The following ABTB3 variants were observed in gnomAD, a reference collection of about 807,000 sequenced individuals.
ABTB3 encodes the protein ankyrin repeat and BTB domain containing 3, also known as ankyrin repeat- and BTB/POZ domain-containing protein 3.
chr12:107,536,927 C>T, the ABTB3 span, among the ~76,000 whole-genome samples: 3 of 152,164 alleles, frequency 2.0e-5, no homozygotes, highest in South Asian at 6.2e-4. Flanking sequence ...TGTCTGCACC[C>T]TCATGTTTAT....
chr12:107,621,562 G>A, the ABTB3 span, among the ~76,000 whole-genome samples: 4 of 152,266 alleles, frequency 2.6e-5, no homozygotes, highest in South Asian at 2.1e-4. Context: ...TAACCTGTGC[G>A]TTCTTAAAGT....
At chr12:107,496,018 A>G in the ABTB3 span, among the ~76,000 whole-genome samples, 1 of 152,272 alleles carries the variant, frequency 6.6e-6, no homozygotes, top group East Asian at 1.9e-4. Context: ...TGTTACTACT[A>G]TTATTGCCCC....
chr12:107,581,130 C>A, the ABTB3 span: 1 of 1,515,116 alleles, frequency 6.6e-7, no homozygotes, highest in Non-Finnish European at 8.9e-7. Flanking sequence ...CGCGCGTCTC[C>A]GGGTCCCTCC....
the ABTB3 span, among the ~76,000 whole-genome samples, chr12:107,391,466 T>C: frequency 1.3e-5 from 2 of 152,136 alleles, no homozygotes; most frequent in Non-Finnish European, 2.9e-5. Flanking sequence ...GTAGAGGGAA[T>C]GAGCATAACA....
chr12:107,475,320 AC>A, the ABTB3 span, among the ~76,000 whole-genome samples: 1 of 152,048 alleles, frequency 6.6e-6, no homozygotes. Context: ...GAATAATGAC[AC>A]CTAGGTCATC....
At chr12:107,485,304 T>C in the ABTB3 span, among the ~76,000 whole-genome samples, 1 of 152,176 alleles carries the variant, frequency 6.6e-6, no homozygotes, top group African/African-American at 2.4e-5. Flanking sequence ...AAAGTTGTCA[T>C]TGTCCTCCTG....
the ABTB3 span, among the ~76,000 whole-genome samples, chr12:107,472,110 T>C: frequency 6.6e-6 from 1 of 152,164 alleles, no homozygotes; most frequent in Non-Finnish European, 1.5e-5. Context: ...CTCTTGTACA[T>C]GTCTGGGGTG....
the ABTB3 span, among the ~76,000 whole-genome samples, chr12:107,381,004 G>T: frequency 6.6e-6 from 1 of 152,076 alleles, no homozygotes; most frequent in Non-Finnish European, 1.5e-5. Context: ...ATATAAGAAT[G>T]GTAGGGATGT....
the ABTB3 span, among the ~76,000 whole-genome samples, chr12:107,637,925 G>C: frequency 6.6e-6 from 1 of 151,798 alleles, no homozygotes; most frequent in Non-Finnish European, 1.5e-5. Flanking sequence ...AGCAGGAATG[G>C]GGGACTAGCT....
chr12:107,469,910 CTT>C, the ABTB3 span, among the ~76,000 whole-genome samples: 10 of 106,204 alleles, frequency 9.4e-5, no homozygotes, highest in African/African-American at 3.0e-4. Context: ...TTCTTTCTTT[CTT>C]TCTTTCTTTC....
At chr12:107,590,194 G>A in the ABTB3 span, among the ~76,000 whole-genome samples, 119 of 152,330 alleles carry the variant, frequency 7.8e-4, no homozygotes, top group African/African-American at 2.5e-3. Flanking sequence ...GATTACAGGC[G>A]TGAGCCACTG....
chr12:107,491,088 T>C, the ABTB3 span, among the ~76,000 whole-genome samples: 1 of 152,204 alleles, frequency 6.6e-6, no homozygotes, highest in African/African-American at 2.4e-5. Context: ...TCTGAGTAGG[T>C]GGGCCTCTGT....
chr12:107,581,468 AAGC>A, the ABTB3 span, among the ~76,000 whole-genome samples: 1 of 152,154 alleles, frequency 6.6e-6, no homozygotes, highest in Non-Finnish European at 1.5e-5. Flanking sequence ...GCTGAACAAT[AAGC>A]AGGTCCCTGG....
chr12:107,620,647 A>G, the ABTB3 span, among the ~76,000 whole-genome samples: 2 of 152,108 alleles, frequency 1.3e-5, no homozygotes, highest in African/African-American at 4.8e-5. Flanking sequence ...TAAACAGAAC[A>G]CAGACCCTGC....
the ABTB3 span, among the ~76,000 whole-genome samples, chr12:107,647,138 T>C: frequency 6.6e-6 from 1 of 152,126 alleles, no homozygotes; most frequent in Admixed American, 6.5e-5. Flanking sequence ...AAGACCAGCC[T>C]GGGCAACATA....
chr12:107,366,757 A>G, the ABTB3 span, among the ~76,000 whole-genome samples: 1 of 152,208 alleles, frequency 6.6e-6, no homozygotes, highest in African/African-American at 2.4e-5. Context: ...GTACCCTATC[A>G]ACAGAAAATA....
chr12:107,582,947 C>G, the ABTB3 span, among the ~76,000 whole-genome samples: 1 of 152,222 alleles, frequency 6.6e-6, no homozygotes, highest in African/African-American at 2.4e-5. Context: ...TTAATGCTAA[C>G]TGACAAAGCA....
the ABTB3 span, chr12:107,618,245 C>A: frequency 3.7e-6 from 6 of 1,613,912 alleles, no homozygotes; most frequent in Non-Finnish European, 5.1e-6. Context: ...AGGGGACTGA[C>A]CTGGCGGAGA....
the ABTB3 span, among the ~76,000 whole-genome samples, chr12:107,606,640 C>A: frequency 6.6e-6 from 1 of 152,094 alleles, no homozygotes; most frequent in Admixed American, 6.5e-5. Flanking sequence ...GGAACTTAGA[C>A]AAAAAAGAAG....
Sources: gnomAD v4.1 joint callset for allele counts (sites outside exome capture counted in the v4.1 genomes callset) on GRCh38, gnomAD v4.1.1 for gene constraint, MANE v1.5 for transcripts, NCBI Gene and HGNC (gene_info 2026-07-23, HGNC 2026-07-21) for gene names.